Variants in GNLY observed in about 807,000 individuals in gnomAD.
GNLY encodes the protein granulysin.
Under a neutral mutation model 18.5 loss-of-function variants are expected in GNLY, and 15 were observed. The ratio of observed to expected loss-of-function variants is 0.81; its 90% confidence interval spans 0.54 to 1.25. The LOEUF (loss-of-function observed/expected upper bound fraction) is 1.25, where lower values mean the gene tolerates loss of function less well. Ranked by LOEUF, GNLY falls within the 50% of genes most tolerant of loss-of-function variation. GNLY has a pLI of 0.00. For missense variants in GNLY, 178 were observed against 186.9 expected (o/e 0.95, Z 0.28); for synonymous variants, 77 against 74.9 (o/e 1.03, Z -0.14).
Position 85,696,062 on chromosome 2 carries a change from G to GC in GNLY, c.255+8dup. On this transcript the variant is annotated splice_region_variant and intron_variant, in intron 3 of 4. Coordinates refer to ENST00000263863, the MANE Select transcript of GNLY (RefSeq NM_006433.5). ...TGGTGGATAAGCCCACCCAGGTGAG[G>GC]CCAAGGGGCTACAGAGCCTCCTGTC... The GC allele has an allele frequency of 6.6e-7, 1 of 1,512,096 alleles. No individual in the cohort carries two copies. Among genetic ancestry groups the GC allele is most frequent in the South Asian group, 1.1e-5 (1 of 88,222 alleles). The allele number at this position is 1,512,096 out of a possible 1,614,324, so 93.7% of individuals were successfully genotyped here. A position where few individuals can be genotyped will look rare whatever the true frequency, so the allele number is the denominator to read the frequency against.
At chr2:85,697,775 CT>C in intron 4 of GNLY, 98 bp downstream of exon 4, 1 of 820,768 alleles carries the variant, frequency 1.2e-6, no homozygotes, top group Non-Finnish European at 2.0e-6. Flanking sequence ...CATCTCCCAG[CT>C]TGGGAAAGTG....
At chr2:85,695,741 G>A (rs1042620882) in intron 2 of GNLY, among the ~76,000 whole-genome samples, 8 of 152,258 alleles carry the variant, frequency 5.3e-5, no homozygotes, top group Non-Finnish European at 2.9e-5. Context: ...CTGGGGGTGT[G>A]GGAGGCTGTT....
chr2:85,695,244 C>A, intron 1 of GNLY, 76 bp from the exon 2 acceptor site: 1 of 1,072,814 alleles, frequency 9.3e-7, no homozygotes, highest in Non-Finnish European at 1.4e-6. Flanking sequence ...ACCTCCTGGA[C>A]TCCCACCAGC....
chr2:85,697,267 G>A (rs1678491963), intron 3 of GNLY: 2 of 512,192 alleles, frequency 3.9e-6, no homozygotes, highest in African/African-American at 3.8e-5. Context: ...AAGGCGCTGA[G>A]ACCCCAGCAG....
At position 85,694,577 on chromosome 2, in the gene GNLY, T is replaced by TC. The variant is rs139906137; in HGVS notation, c.52+113dup. 7.0e-4 allele frequency: 831 copies of TC among 1,182,100 alleles called. 7 individuals carry two copies. The African/African-American group carries it at 0.012, about 18-fold the overall frequency. 73.2% of individuals were successfully genotyped at this position (1,182,100 alleles called of 1,614,324 possible). On this transcript the variant is annotated intron_variant, in intron 1 of 4. Coordinates refer to ENST00000263863, the MANE Select transcript of GNLY (RefSeq NM_006433.5). ...CTGTGGGCACCCAGGTGCCCCTGCCTCCCCCCGGCCTTCTCCCCCGTCATG... is the reference window on the plus strand; with the variant it reads ...CTGTGGGCACCCAGGTGCCCCTGCCTCCCCCCCGGCCTTCTCCCCCGTCATG...
chr2:85,698,595 G>GGAA lies in GNLY; in HGVS notation c.*26_*28dup, dbSNP rs1478679359. ...TCTGAGCCCTCTCACCTTGTCCTGT[G>GGAA]GAAGAAGCACAGGCTCCTGTCCTCA... On this transcript the variant is annotated 3_prime_UTR_variant, in exon 5 of 5. Coordinates refer to ENST00000263863, the MANE Select transcript of GNLY (RefSeq NM_006433.5). 5 of 1,613,554 alleles carry GGAA rather than the reference G, an allele frequency of 3.1e-6. No homozygotes were observed.
chr2:85,696,195 G>A lies in GNLY; in HGVS notation c.255+139G>A. 4 of 605,404 alleles carry A rather than the reference G, an allele frequency of 6.6e-6. No homozygotes were observed. In the South Asian group the frequency reaches 7.9e-5, roughly 12 times the overall value. 37.5% of individuals were successfully genotyped at this position (605,404 alleles called of 1,614,324 possible). A position where few individuals can be genotyped will look rare whatever the true frequency, so the allele number is the denominator to read the frequency against. ...GGGCTTCCTAGAAGGGAATCTGTGA[G>A]TCCCCGTGTGTCTGTGGATGAATTT... On this transcript the variant is annotated intron_variant, in intron 3 of 4. Transcript: ENST00000263863.
chr2:85,696,100 G>T (rs1480636399), intron 3 of GNLY, 44 bp downstream of exon 3: 1 of 1,128,200 alleles, frequency 8.9e-7, no homozygotes, highest in Admixed American at 1.8e-5. Context: ...CTGCTCAATG[G>T]AGGGGCCAGC....
chr2:85,697,673 T>G lies in GNLY; in HGVS notation c.423T>G (p.Ser141=), dbSNP rs773535307. The change falls in exon 4 of 5, where the codon TCT becomes TCG. Residue 141 remains serine (S), a synonymous_variant. Transcript: ENST00000263863. The part of the protein sequence containing the change: ...ICEDLRLCIP[S]TGPL ...AGGACCTCAGGTTGTGTATACCTTC[T>G]ACAGGTGAGTGCAGAGGTGACAGCA... 6.2e-7 allele frequency: 1 copy of G among 1,609,378 alleles called. No homozygotes were observed. Among genetic ancestry groups the G allele is most frequent in the South Asian group, 1.1e-5 (1 of 90,994 alleles).
At chr2:85,698,277 G>A in intron 4 of GNLY, 1 of 653,596 alleles carries the variant, frequency 1.5e-6, no homozygotes. Context: ...GCCAGAAAGG[G>A]GCCTCGGTGA....
intron 1 of GNLY, chr2:85,695,030 G>T: frequency 6.4e-7 from 1 of 1,571,890 alleles, no homozygotes; most frequent in East Asian, 2.3e-5. Context: ...AGGAGATTGA[G>T]GGAAGTTTCT....
intron 1 of GNLY, chr2:85,694,988 G>A: frequency 6.3e-7 from 1 of 1,585,440 alleles, no homozygotes. Context: ...TGGGCCATCT[G>A]GATGGAAGGT....
intron 2 of GNLY, 114 bp from the exon 3 acceptor site, chr2:85,695,844 G>T: frequency 1.5e-6 from 1 of 662,820 alleles, no homozygotes. Context: ...GCTCTGGGAA[G>T]AGATCACGGA....
In GNLY at chr2:85,695,040, T is replaced by C. The variant is rs181451238; in HGVS notation, c.53-280T>C. 354 of 1,550,590 alleles carry C rather than the reference T, an allele frequency of 2.3e-4. 1 individual carries two copies. In the African/African-American group the frequency reaches 4.0e-3, roughly 17 times the overall value. ...TTGAAAGGAGATTGAGGGAAGTTTC[T>C]AGACAAACCGACCCCCAAATCTGTG... On this transcript the variant is annotated intron_variant, in intron 1 of 4. Coordinates refer to ENST00000263863, the MANE Select transcript of GNLY (RefSeq NM_006433.5).
chr2:85,694,763 C>T (rs571800180), intron 1 of GNLY: 33 of 1,439,702 alleles, frequency 2.3e-5, no homozygotes, highest in African/African-American at 2.9e-5. Flanking sequence ...CCCCTGCCTC[C>T]GCATCTGCGT....
At position 85,695,381 on chromosome 2, in the gene GNLY, T is replaced by C; in HGVS notation, c.114T>C (p.Asp38=). ...ACCTGGCAAGAGCCCACCTGCGTGA[T>C]GAGGAGAAATCCTGCCCGTGCCTGG... ...YYDLARAHLR[D]EEKSCPCLAQ... is the part of the protein sequence containing the mutation. Residue 38 remains aspartate, a synonymous_variant, in exon 2 of 5, where the codon GAT becomes GAC. Coordinates refer to ENST00000263863, the MANE Select transcript of GNLY (RefSeq NM_006433.5). 6.2e-7 allele frequency: 1 copy of C among 1,613,930 alleles called. No homozygotes were observed.
chr2:85,697,171 C>G lies in GNLY; in HGVS notation c.256-335C>G, dbSNP rs1313439360. ...TGGAGCCCCCAGCCAGGTCCTGGAC[C>G]CAGGTAGCTACATGGCAGAGCATTT... On this transcript the variant is annotated intron_variant, in intron 3 of 4. Coordinates refer to ENST00000263863, the MANE Select transcript of GNLY (RefSeq NM_006433.5). 8 of 236,230 alleles carry G rather than the reference C, an allele frequency of 3.4e-5. No individual in the cohort carries two copies. The East Asian group carries it at 9.3e-4, about 27-fold the overall frequency. The allele number at this position is 236,230 out of a possible 1,614,324, so 14.6% of individuals were successfully genotyped here. A position where few individuals can be genotyped will look rare whatever the true frequency, so the allele number is the denominator to read the frequency against.
intron 1 of GNLY, 161 bp from the exon 2 acceptor site, chr2:85,695,159 G>C (rs1678391052): frequency 3.5e-6 from 3 of 851,216 alleles, no homozygotes; most frequent in Non-Finnish European, 5.7e-6. Flanking sequence ...GTGGGTCAGA[G>C]CGGCTCCAGG....
At chr2:85,696,082 C>T (rs1485140939) in intron 3 of GNLY, 26 bp downstream of exon 3, 3 of 1,307,444 alleles carry the variant, frequency 2.3e-6, no homozygotes, top group Admixed American at 3.5e-5. Flanking sequence ...TACAGAGCCT[C>T]CTGTCTGCTG....
Sources: allele counts gnomAD v4.1 joint callset (sites outside exome capture counted in the v4.1 genomes callset), GRCh38; gene constraint gnomAD v4.1.1; transcripts MANE v1.5; gene names NCBI Gene and HGNC (gene_info 2026-07-23, HGNC 2026-07-21).